The following SBF2 variants were observed in gnomAD, a reference collection of about 807,000 sequenced individuals.
SBF2 encodes myotubularin-related protein 13.
A neutral mutation model predicts 225.2 loss-of-function variants in SBF2; 112 were observed. The observed-to-expected ratio is 0.50, with a 90% CI of 0.43 to 0.58. SBF2 has a LOEUF of 0.58. SBF2 is among the 20% of genes least tolerant of loss of function. The probability of loss-of-function intolerance (pLI) is 0.00; values close to 1 mark genes in which losing one functional copy is unlikely to be tolerated. For synonymous variants in SBF2, 763 were observed against 773.3 expected (o/e 0.99, Z 0.22); for missense variants, 1,996 against 2,206.2 (o/e 0.90, Z 1.91).
intron 2 of SBF2, among the ~76,000 whole-genome samples, chr11:10,154,515 T>C (rs373531438): frequency 6.6e-6 from 1 of 152,156 alleles, no homozygotes; most frequent in Non-Finnish European, 1.5e-5. Flanking sequence ...TCCTAGTTTC[T>C]AGTTCTCTGC....
intron 22 of SBF2, 67 bp downstream of exon 22, chr11:9,849,956 C>A: frequency 7.1e-7 from 1 of 1,416,258 alleles, no homozygotes; most frequent in Non-Finnish European, 1.0e-6. Context: ...AATCACTGTG[C>A]ACAGATGGGA....
intron 17 of SBF2, among the ~76,000 whole-genome samples, chr11:9,891,683 C>T (rs1389286119): frequency 6.6e-6 from 1 of 152,096 alleles, no homozygotes; most frequent in East Asian, 1.9e-4. Flanking sequence ...GTTAAGGTAC[C>T]ACCTTCAAAG....
intron 1 of SBF2, among the ~76,000 whole-genome samples, chr11:10,273,437 A>G (rs947247969): frequency 6.6e-6 from 1 of 152,270 alleles, no homozygotes; most frequent in Non-Finnish European, 1.5e-5. Flanking sequence ...GACTACAATG[A>G]ATCAATTAAA....
chr11:10,260,340 T>C (rs1164662696), intron 1 of SBF2, among the ~76,000 whole-genome samples: 1 of 152,094 alleles, frequency 6.6e-6, no homozygotes, highest in Non-Finnish European at 1.5e-5. Flanking sequence ...TCCCAGCACT[T>C]TGGGAGGCCA....
At chr11:10,289,890 G>A (rs1964054727) in intron 1 of SBF2, among the ~76,000 whole-genome samples, 1 of 152,008 alleles carries the variant, frequency 6.6e-6, no homozygotes, top group South Asian at 2.1e-4. Context: ...GGAGGCTCCG[G>A]GCCTGAGGGC....
At chr11:10,018,083 A>T (rs988156533) in intron 6 of SBF2, among the ~76,000 whole-genome samples, 2 of 152,154 alleles carry the variant, frequency 1.3e-5, no homozygotes, top group Admixed American at 6.5e-5. Flanking sequence ...AGAAGAACAG[A>T]GAATAACTGG....
chr11:10,247,214 A>G (rs544522399), intron 1 of SBF2, among the ~76,000 whole-genome samples: 1 of 152,358 alleles, frequency 6.6e-6, no homozygotes, highest in South Asian at 2.1e-4. Flanking sequence ...GAAAAGTTAC[A>G]AGCCAATGTG....
At chr11:10,073,947 G>C (rs1328372083) in intron 2 of SBF2, among the ~76,000 whole-genome samples, 1 of 152,162 alleles carries the variant, frequency 6.6e-6, no homozygotes, top group Non-Finnish European at 1.5e-5. Flanking sequence ...TAAGAAAAAA[G>C]AGGTCTTTTA....
chr11:10,072,721 C>CTTT (rs760663007), intron 2 of SBF2, among the ~76,000 whole-genome samples: 1 of 130,686 alleles, frequency 7.7e-6, no homozygotes, highest in African/African-American at 2.8e-5. Context: ...CCAGTGGAAT[C>CTTT]TTTTTTTTTT....
At chr11:10,091,661 TATCTCATC>T (rs1489792788) in intron 2 of SBF2, among the ~76,000 whole-genome samples, 4 of 152,180 alleles carry the variant, frequency 2.6e-5, no homozygotes, top group Non-Finnish European at 4.4e-5. Context: ...GGAGGAACTG[TATCTCATC>T]ATTTATTCCA....
chr11:9,876,038 C>T (rs1352013271), intron 17 of SBF2, among the ~76,000 whole-genome samples: 1 of 151,660 alleles, frequency 6.6e-6, no homozygotes, highest in Non-Finnish European at 1.5e-5. Context: ...TACAGCTAGA[C>T]GGAGCAGTGC....
At chr11:10,236,418 A>G (rs1959077969) in intron 1 of SBF2, among the ~76,000 whole-genome samples, 1 of 152,102 alleles carries the variant, frequency 6.6e-6, no homozygotes, top group South Asian at 2.1e-4. Context: ...AGCTATGATT[A>G]CACCACTGTA....
chr11:9,872,180 G>C (rs1858830701), intron 17 of SBF2, among the ~76,000 whole-genome samples: 2 of 152,196 alleles, frequency 1.3e-5, no homozygotes, highest in Admixed American at 6.5e-5. Flanking sequence ...GATATAGATG[G>C]AGGTGGAAGC....
intron 27 of SBF2, 81 bp from the exon 28 acceptor site, chr11:9,829,577 T>C (rs1195051062): frequency 5.8e-6 from 7 of 1,204,212 alleles, no homozygotes; most frequent in African/African-American, 4.5e-5. Flanking sequence ...TCTATCTACC[T>C]ATCTATCTAT....
intron 26 of SBF2, among the ~76,000 whole-genome samples, chr11:9,836,953 A>G (rs1855767862): frequency 6.6e-6 from 1 of 152,196 alleles, no homozygotes; most frequent in African/African-American, 2.4e-5. Flanking sequence ...GTGACCTTGT[A>G]CTAAATCCAC....
intron 1 of SBF2, among the ~76,000 whole-genome samples, chr11:10,258,432 T>C (rs189438790): frequency 2.0e-5 from 3 of 152,314 alleles, no homozygotes; most frequent in East Asian, 3.9e-4. Context: ...GTAAAGATAT[T>C]AAGCAGAGTT....
chr11:10,104,780 A>G (rs1487964749), intron 2 of SBF2, among the ~76,000 whole-genome samples: 1 of 151,352 alleles, frequency 6.6e-6, no homozygotes, highest in Non-Finnish European at 1.5e-5. Flanking sequence ...ATTTTCTTAA[A>G]TAAGTTTTCC....
intron 17 of SBF2, among the ~76,000 whole-genome samples, chr11:9,875,794 G>C (rs1197972038): frequency 6.6e-6 from 1 of 152,166 alleles, no homozygotes; most frequent in Non-Finnish European, 1.5e-5. Flanking sequence ...AGCCAAAATA[G>C]ATTTTTCTGC....
intron 16 of SBF2, among the ~76,000 whole-genome samples, chr11:9,942,729 G>C (rs1422903170): frequency 3.3e-5 from 5 of 152,062 alleles, no homozygotes; most frequent in African/African-American, 1.2e-4. Flanking sequence ...TACCAGGGAG[G>C]TTGAGGTGAG....
Sources: allele counts gnomAD v4.1 joint callset (sites outside exome capture counted in the v4.1 genomes callset), GRCh38; gene constraint gnomAD v4.1.1; transcripts MANE v1.5; gene names NCBI Gene and HGNC (gene_info 2026-07-23, HGNC 2026-07-21).